CELF4: variants seen among roughly 807,000 people sequenced by gnomAD.
CELF4 encodes the protein CUG-BP- and ETR-3-like factor 4.
A neutral mutation model predicts 59.9 loss-of-function variants in CELF4; 18 were observed. The observed-to-expected ratio is 0.30, with a 90% CI of 0.21 to 0.45. The LOEUF is 0.45. Among genes scored for constraint, CELF4 ranks in the 20% least tolerant of loss-of-function variants. The pLI is 1.00. For synonymous variants in CELF4, 261 were observed against 267.1 expected (o/e 0.98, Z 0.22); for missense variants, 456 against 689.0 (o/e 0.66, Z 3.79).
chr18:37,461,724 C>T (rs573543148), intron 2 of CELF4, among the ~76,000 whole-genome samples: 59 of 152,304 alleles, frequency 3.9e-4, no homozygotes, highest in African/African-American at 1.3e-3. Context: ...TCACCGAGTC[C>T]CAGCAGTAGC....
At chr18:37,281,813 G>T (rs72900344) in intron 3 of CELF4, among the ~76,000 whole-genome samples, 12,431 of 152,184 alleles carry the variant, frequency 0.082, 694 homozygotes, top group Admixed American at 0.13. Context: ...CCCCCCCAGG[G>T]TGCCTCCTGG....
At chr18:37,535,273 G>A (rs936787385) in intron 1 of CELF4, among the ~76,000 whole-genome samples, 21 of 152,220 alleles carry the variant, frequency 1.4e-4, no homozygotes, top group African/African-American at 5.1e-4. Flanking sequence ...AAATCTACAT[G>A]ACAGTACATA....
At chr18:37,533,911 C>T (rs962845564) in intron 1 of CELF4, among the ~76,000 whole-genome samples, 1 of 152,106 alleles carries the variant, frequency 6.6e-6, no homozygotes, top group Non-Finnish European at 1.5e-5. Flanking sequence ...GTCCTGGAGT[C>T]GGGGGCTTGG....
intron 1 of CELF4, among the ~76,000 whole-genome samples, chr18:37,524,945 G>A (rs2099962040): frequency 6.6e-6 from 1 of 152,210 alleles, no homozygotes; most frequent in Non-Finnish European, 1.5e-5. Context: ...CGCTCTTTGA[G>A]CCCCGCTTCC....
intron 2 of CELF4, among the ~76,000 whole-genome samples, chr18:37,483,078 T>C (rs1850138079): frequency 6.6e-6 from 1 of 152,126 alleles, no homozygotes; most frequent in African/African-American, 2.4e-5. Flanking sequence ...CAGGCAGCCA[T>C]GAACACAGCC....
Position 37,273,057 on chromosome 18 carries a change from T to C in CELF4, c.908A>G (p.Asn303Ser). 6.2e-7 allele frequency: 1 copy of C among 1,612,626 alleles called. No individual in the cohort carries two copies. The highest frequency in any genetic ancestry group is 8.5e-7 in the Non-Finnish European group (1 of 1,179,876). ...AGGTGCGGCCGCCAGGCCATTCATG[T>C]TGAGGGCCGCCATCTGCTGCATCTG... ...AAQMQQMAAL[N>S]MNGLAAAPMT... is the part of the protein sequence containing the mutation. The change falls in exon 7 of 13, where the codon AAC (asparagine) becomes AGC (serine). Residue 303 changes from asparagine (N) to serine (S), a missense_variant. Physicochemically the swap from Asn to Ser is conservative, Grantham distance 46. This residue lies in a region of CELF4 where 256 missense variants were observed against 340.8 expected (regional missense o/e 0.75). Transcript: ENST00000420428.
chr18:37,322,122 G>GCCT (rs1404175476), intron 2 of CELF4, among the ~76,000 whole-genome samples: 1 of 152,204 alleles, frequency 6.6e-6, no homozygotes. Flanking sequence ...ACTTTGAGAT[G>GCCT]CCTCCTCCTC....
At chr18:37,252,631 T>C (rs1300025992) in intron 12 of CELF4, among the ~76,000 whole-genome samples, 2 of 150,748 alleles carry the variant, frequency 1.3e-5, no homozygotes, top group East Asian at 3.9e-4. Context: ...GGCGGGGGCA[T>C]GGCTGCTTCC....
At chr18:37,372,837 A>G (rs1026110105) in intron 2 of CELF4, among the ~76,000 whole-genome samples, 1 of 150,606 alleles carries the variant, frequency 6.6e-6, no homozygotes, top group African/African-American at 2.4e-5. Context: ...ATTAACCTGA[A>G]AAAAAAAAAG....
chr18:37,292,445 C>A (rs1322495017), intron 3 of CELF4, among the ~76,000 whole-genome samples: 1 of 152,156 alleles, frequency 6.6e-6, no homozygotes, highest in African/African-American at 2.4e-5. Flanking sequence ...CCTTAAATCG[C>A]CCCACAGAAG....
intron 2 of CELF4, among the ~76,000 whole-genome samples, chr18:37,455,696 C>T (rs528259189): frequency 5.9e-5 from 9 of 152,294 alleles, no homozygotes; most frequent in East Asian, 1.9e-4. Context: ...GCAGGACACA[C>T]GCTTTTAGGT....
At position 37,508,845 on chromosome 18, in the gene CELF4, G is replaced by A. The variant is rs529311843; in HGVS notation, c.287-23238C>T. On this transcript the variant is annotated intron_variant, in intron 1 of 12. Coordinates refer to ENST00000420428, the MANE Select transcript of CELF4 (RefSeq NM_020180.4). ...GAGCCAAGCCAGTTTAACTGTGCACGTGCTGACACAAACCCTGAGATCTAG... is the reference window on the plus strand; with the variant it reads ...GAGCCAAGCCAGTTTAACTGTGCACATGCTGACACAAACCCTGAGATCTAG... Among the ~76,000 whole-genome samples the A allele has an allele frequency of 1.3e-4, 20 of 152,358 alleles. 1 individual carries two copies. The highest frequency in any genetic ancestry group is 4.3e-4 in the African/African-American group (18 of 41,588).
At chr18:37,544,961 C>T (rs983179240) in intron 1 of CELF4, among the ~76,000 whole-genome samples, 1 of 152,158 alleles carries the variant, frequency 6.6e-6, no homozygotes, top group African/African-American at 2.4e-5. Context: ...ATGGAGACCC[C>T]TAAAGCTGCT....
At chr18:37,336,694 G>A (rs1446144402) in intron 2 of CELF4, among the ~76,000 whole-genome samples, 1 of 152,178 alleles carries the variant, frequency 6.6e-6, no homozygotes, top group Non-Finnish European at 1.5e-5. Flanking sequence ...GCCTCCTGAG[G>A]CGGCCACCAG....
At chr18:37,495,112 G>C (rs1189088551) in intron 1 of CELF4, among the ~76,000 whole-genome samples, 1 of 152,216 alleles carries the variant, frequency 6.6e-6, no homozygotes, top group African/African-American at 2.4e-5. Flanking sequence ...CTAGAACCTA[G>C]AAACTGAACT....
intron 2 of CELF4, among the ~76,000 whole-genome samples, chr18:37,347,275 G>A (rs954219728): frequency 3.3e-5 from 5 of 152,062 alleles, no homozygotes; most frequent in East Asian, 1.9e-4. Flanking sequence ...CACCCCCCAC[G>A]CCACGCCCAA....
At chr18:37,552,099 C>G (rs1345728953) in intron 1 of CELF4, among the ~76,000 whole-genome samples, 4 of 152,244 alleles carry the variant, frequency 2.6e-5, no homozygotes, top group Non-Finnish European at 5.9e-5. Flanking sequence ...GAGCCAGTGC[C>G]CCTACCTGAC....
intron 2 of CELF4, among the ~76,000 whole-genome samples, chr18:37,383,975 T>A (rs1481729892): frequency 1.3e-5 from 2 of 152,136 alleles, no homozygotes; most frequent in African/African-American, 2.4e-5. Context: ...TGGAGGCTGG[T>A]TCTTCCTCCT....
At chr18:37,530,549 C>A (rs376147624) in intron 1 of CELF4, among the ~76,000 whole-genome samples, 3 of 152,156 alleles carry the variant, frequency 2.0e-5, no homozygotes, top group African/African-American at 7.2e-5. Context: ...CCCCCTACCC[C>A]CTGCCACCCC....
Sources: allele counts gnomAD v4.1 joint callset (sites outside exome capture counted in the v4.1 genomes callset), GRCh38; gene constraint gnomAD v4.1.1; regional missense constraint gnomAD v4.1.1; transcripts MANE v1.5; gene names NCBI Gene and HGNC (gene_info 2026-07-23, HGNC 2026-07-21).